Variants in SLC30A7 observed in about 807,000 individuals in gnomAD.
The protein encoded by SLC30A7 is zinc transporter 7.
A neutral mutation model predicts 46.0 loss-of-function variants in SLC30A7; 35 were observed. The observed-to-expected ratio is 0.76, with a 90% confidence interval of 0.58 to 1.01. The LOEUF is 1.01. Ranked by LOEUF, SLC30A7 falls within the 50% of genes least tolerant of loss-of-function variation. SLC30A7 has a pLI of 0.00. For missense variants in SLC30A7, 464 were observed against 451.1 expected (o/e 1.03, Z -0.26); for synonymous variants, 147 against 157.8 (o/e 0.93, Z 0.51).
chr1:100,944,416 C>T (rs6577216), intron 8 of SLC30A7, among the ~76,000 whole-genome samples: 1 of 151,896 alleles, frequency 6.6e-6, no homozygotes, highest in African/African-American at 2.4e-5. Context: ...AAGTCAAAAA[C>T]GTGAAAAGCA....
At chr1:100,967,241 G>A (rs918070820) in intron 10 of SLC30A7, among the ~76,000 whole-genome samples, 3 of 152,186 alleles carry the variant, frequency 2.0e-5, no homozygotes, top group Non-Finnish European at 4.4e-5. Flanking sequence ...ACCAGGGACC[G>A]GCTTTGTGGA....
In SLC30A7 at chr1:100,980,391, C is replaced by A. The variant is rs1656854541; in HGVS notation, c.*5534C>A. 6.6e-6 allele frequency: 1 copy of A among 152,082 alleles called. No homozygotes were observed. Among genetic ancestry groups the A allele is most frequent in the Non-Finnish European group, 1.5e-5 (1 of 67,962 alleles). The allele number at this position is 152,082 out of a possible 1,614,324, so 9.4% of individuals were successfully genotyped here. ...CTTAACATTTAATGTTGACTTCTTA[C>A]AACAGCCTTGAAAATTATTTGTAAT... On this transcript the variant is annotated 3_prime_UTR_variant, in exon 11 of 11. Transcript: ENST00000357650.
chr1:100,985,764 A>C (rs942535423), downstream of SLC30A7, among the ~76,000 whole-genome samples: 1 of 152,200 alleles, frequency 6.6e-6, no homozygotes, highest in African/African-American at 2.4e-5. Flanking sequence ...AGTCTGTTGA[A>C]TTTGTGATGG....
At chr1:100,987,510 A>G in the SLC30A7 span, among the ~76,000 whole-genome samples, 2 of 152,122 alleles carry the variant, frequency 1.3e-5, no homozygotes, top group Non-Finnish European at 2.9e-5. Context: ...TTTTAATGTT[A>G]CCACATTTTG....
downstream of SLC30A7, among the ~76,000 whole-genome samples, chr1:100,985,035 A>G (rs990872356): frequency 6.6e-6 from 1 of 152,218 alleles, no homozygotes. Flanking sequence ...AAAATTTTAA[A>G]AACATACAGA....
chr1:100,967,967 A>G (rs1441162621), intron 10 of SLC30A7, among the ~76,000 whole-genome samples: 3 of 152,198 alleles, frequency 2.0e-5, no homozygotes, highest in African/African-American at 7.2e-5. Flanking sequence ...ACTGTTCTTA[A>G]TTCTTAGGAG....
downstream of SLC30A7, among the ~76,000 whole-genome samples, chr1:100,983,879 C>T (rs1657122110): frequency 6.6e-6 from 1 of 152,126 alleles, no homozygotes; most frequent in African/African-American, 2.4e-5. Context: ...AAATAAGGTC[C>T]ATCTGATTAG....
intron 8 of SLC30A7, among the ~76,000 whole-genome samples, chr1:100,935,395 G>A (rs966101588): frequency 6.6e-6 from 1 of 152,160 alleles, no homozygotes; most frequent in Non-Finnish European, 1.5e-5. Flanking sequence ...ACCAAAACTA[G>A]TTCTTTTTAC....
downstream of SLC30A7, among the ~76,000 whole-genome samples, chr1:100,983,402 A>C (rs1406403705): frequency 7.2e-6 from 1 of 139,078 alleles, no homozygotes; most frequent in East Asian, 2.0e-4. Context: ...AAAACAAAAC[A>C]AAACAAAAAA....
chr1:100,988,018 C>A, the SLC30A7 span, among the ~76,000 whole-genome samples: 29 of 152,166 alleles, frequency 1.9e-4, no homozygotes, highest in African/African-American at 7.0e-4. Flanking sequence ...TAGAAAACAG[C>A]CGTCTCTGTT....
chr1:100,902,179 C>T (rs1402108179), intron 2 of SLC30A7, among the ~76,000 whole-genome samples: 1 of 152,080 alleles, frequency 6.6e-6, no homozygotes, highest in Non-Finnish European at 1.5e-5. Flanking sequence ...TCTCATATTG[C>T]AGTGTTTTAA....
rs556464918 is a variant in SLC30A7 at position 100,940,761 on chromosome 1, C to T, written c.842+18920C>T. On this transcript the variant is annotated intron_variant, in intron 8 of 10. Transcript: ENST00000357650. Reference sequence around the variant, plus strand: ...AATAAAATCTTATATTAAAACCCTTCAGTGGACTGTTTTACACTTTCCACA... The same window carrying T: ...AATAAAATCTTATATTAAAACCCTTTAGTGGACTGTTTTACACTTTCCACA... Among the ~76,000 whole-genome samples the T allele has an allele frequency of 1.6e-4, 25 of 152,348 alleles. No individual in the cohort carries two copies. In the South Asian group the frequency reaches 2.5e-3, roughly 15 times the overall value.
Position 100,906,857 on chromosome 1 carries a change from G to T in SLC30A7, c.188G>T (p.Gly63Val). The change falls in exon 3 of 11, where the codon GGC becomes GTC. Residue 63 changes from glycine (G) to valine (V), a missense_variant. Gly to Val is a moderately radical substitution (Grantham distance 109). Coordinates refer to ENST00000357650, the MANE Select transcript of SLC30A7 (RefSeq NM_133496.5). ...LLYGIWSNCL[G>V]LISDSFHMFF... ...ATGTGTTTGTTCTTTTCCAGCTTAG[G>T]CTTGATTTCCGACTCTTTTCACATG... 1 of 1,610,448 alleles carries T rather than the reference G, an allele frequency of 6.2e-7. No individual in the cohort carries two copies. The highest frequency in any genetic ancestry group is 8.5e-7 in the Non-Finnish European group (1 of 1,177,102).
chr1:100,962,529 AT>A (rs1283563954), intron 9 of SLC30A7, among the ~76,000 whole-genome samples: 2 of 152,338 alleles, frequency 1.3e-5, no homozygotes, highest in African/African-American at 4.8e-5. Flanking sequence ...CTATGGCTGG[AT>A]TTAATTTGTG....
In SLC30A7 at chr1:100,912,199, G is replaced by A; in HGVS notation, c.472G>A (p.Val158Ile). 6.2e-7 allele frequency: 1 copy of A among 1,613,956 alleles called. No homozygotes were observed. The highest frequency in any genetic ancestry group is 8.5e-7 in the Non-Finnish European group (1 of 1,179,902). Residue 158 changes from valine to isoleucine, a missense_variant, in exon 5 of 11, where the codon GTT becomes ATT. Val to Ile is a conservative substitution (Grantham distance 29, BLOSUM62 3). Transcript: ENST00000357650. ...TGTGGTAAACCTAATAGGAATATTT[G>A]TTTTCAAACATGGAGGTCATGGACA... ...GFVVNLIGIF[V>I]FKHGGHGHSH... is the part of the protein sequence containing the mutation.
intron 8 of SLC30A7, among the ~76,000 whole-genome samples, chr1:100,948,745 CT>C (rs1329262030): frequency 6.6e-6 from 1 of 151,472 alleles, no homozygotes; most frequent in Non-Finnish European, 1.5e-5. Flanking sequence ...TTACTTTTTA[CT>C]TTTTTCTCTA....
chr1:100,950,592 T>C (rs1654899355), intron 8 of SLC30A7, among the ~76,000 whole-genome samples: 1 of 152,106 alleles, frequency 6.6e-6, no homozygotes, highest in East Asian at 1.9e-4. Flanking sequence ...TCCACTGGGG[T>C]TATTTTTACT....
At chr1:100,990,605 C>A in the SLC30A7 span, 9 of 1,613,828 alleles carry the variant, frequency 5.6e-6, no homozygotes, top group Non-Finnish European at 7.6e-6. Flanking sequence ...CTGGCTAAGC[C>A]AACACAAAGT....
chr1:100,918,604 A>G (rs1349078555), intron 7 of SLC30A7, among the ~76,000 whole-genome samples: 1 of 152,162 alleles, frequency 6.6e-6, no homozygotes, highest in Non-Finnish European at 1.5e-5. Context: ...GTAGGTTGAA[A>G]ATGCATTTAA....
Sources: gnomAD v4.1 joint callset for allele counts (sites outside exome capture counted in the v4.1 genomes callset) on GRCh38, gnomAD v4.1.1 for gene constraint, MANE v1.5 for transcripts, NCBI Gene and HGNC (gene_info 2026-07-23, HGNC 2026-07-21) for gene names.